The following PCDH7 variants were observed in gnomAD, a reference collection of about 807,000 sequenced individuals.
PCDH7 encodes protocadherin 7.
A neutral mutation model predicts 58.9 loss-of-function variants in PCDH7; 17 were observed. The observed-to-expected ratio is 0.29, with a 90% confidence interval of 0.20 to 0.43. PCDH7 has a LOEUF of 0.43. PCDH7 is among the 20% of genes least tolerant of loss of function. The probability of loss-of-function intolerance (pLI) is 1.00; values close to 1 mark genes in which losing one functional copy is unlikely to be tolerated. For synonymous variants in PCDH7, 664 were observed against 616.4 expected, an observed-to-expected ratio of 1.08 and a Z score of -1.14; for missense variants, 1,274 against 1,441.0, an observed-to-expected ratio of 0.88 and a Z score of 1.88.
chr4:31,076,121 T>C (rs1758970140), intron 3 of PCDH7, among the ~76,000 whole-genome samples: 2 of 152,154 alleles, frequency 1.3e-5, no homozygotes, highest in African/African-American at 4.8e-5. Flanking sequence ...AGTCTGAAGT[T>C]TGAAAGCCAG....
At chr4:30,949,153 A>G (rs1304794566) in intron 2 of PCDH7, among the ~76,000 whole-genome samples, 1 of 152,074 alleles carries the variant, frequency 6.6e-6, no homozygotes. Flanking sequence ...TCTCTCCTAT[A>G]TTTCATTTTT....
rs140534477 is a variant in PCDH7 at position 30,918,447 on chromosome 4, T to G, written c.71-1706T>G. ...ATACAGGGTATTTACATTTCTTTAT[T>G]TTTTTTAAAATACAGGGTAAAATAT... On this transcript the variant is annotated intron_variant, in intron 1 of 3. Transcript: ENST00000509759. Among the ~76,000 whole-genome samples, 465 of 152,102 alleles carry G rather than the reference T, an allele frequency of 3.1e-3. 2 individuals carry two copies. Among genetic ancestry groups the G allele is most frequent in the African/African-American group, 0.011 (439 of 41,508 alleles).
intron 1 of PCDH7, among the ~76,000 whole-genome samples, chr4:30,829,725 G>A (rs904083630): frequency 1.3e-5 from 2 of 152,078 alleles, no homozygotes; most frequent in Non-Finnish European, 2.9e-5. Context: ...GGGAGGTGGG[G>A]AAGAACCAGA....
chr4:31,048,633 C>A (rs991425895), intron 3 of PCDH7, among the ~76,000 whole-genome samples: 2 of 151,860 alleles, frequency 1.3e-5, no homozygotes, highest in African/African-American at 4.8e-5. Context: ...AAGCCTCAAG[C>A]TTTTACTACA....
At position 30,960,151 on chromosome 4, in the gene PCDH7, A is replaced by AAGGG. The variant is rs1247370466; in HGVS notation, c.*7+9956_*7+9959dup. ...GAAGGAAGGAAGGAAGGAAGGAAGGAAGGGAGGGAGGGAGGGAGGGAGGAA... is the reference window on the plus strand; with the variant it reads ...GAAGGAAGGAAGGAAGGAAGGAAGGAAGGGAGGGAGGGAGGGAGGGAGGGAGGAA... On this transcript the variant is annotated intron_variant, in intron 3 of 3. Coordinates refer to the PCDH7 transcript ENST00000509759. Among the ~76,000 whole-genome samples, 78 of 30,826 alleles carry AAGGG rather than the reference A, an allele frequency of 2.5e-3. 2 individuals are homozygous for AAGGG. Among genetic ancestry groups the AAGGG allele is most frequent in the Middle Eastern group, 0.013 (1 of 80 alleles). 20.2% of individuals were successfully genotyped at this position (30,826 alleles called of 152,430 possible).
intron 1 of PCDH7, among the ~76,000 whole-genome samples, chr4:30,745,916 TG>T (rs1717720635): frequency 6.6e-6 from 1 of 152,152 alleles, no homozygotes; most frequent in Non-Finnish European, 1.5e-5. Context: ...CTCAGCTCAC[TG>T]CAACCTCTGC....
intron 2 of PCDH7, among the ~76,000 whole-genome samples, chr4:30,940,713 C>G (rs1355012540): frequency 6.6e-6 from 1 of 151,854 alleles, no homozygotes; most frequent in African/African-American, 2.4e-5. Flanking sequence ...AGGAACAGGT[C>G]CTTTACGTAT....
chr4:30,806,899 C>T (rs1257565374), intron 1 of PCDH7, among the ~76,000 whole-genome samples: 1 of 151,922 alleles, frequency 6.6e-6, no homozygotes, highest in East Asian at 1.9e-4. Flanking sequence ...CTTGTTTTAC[C>T]TGATTATCTA....
intron 2 of PCDH7, among the ~76,000 whole-genome samples, chr4:30,947,623 G>T (rs1746865353): frequency 6.6e-6 from 1 of 152,056 alleles, no homozygotes; most frequent in Non-Finnish European, 1.5e-5. Flanking sequence ...ATGATTCAAT[G>T]CATATAGTAT....
chr4:30,997,784 G>C (rs562923628), intron 3 of PCDH7, among the ~76,000 whole-genome samples: 1 of 152,012 alleles, frequency 6.6e-6, no homozygotes, highest in Non-Finnish European at 1.5e-5. Flanking sequence ...TTAAAAGAAC[G>C]TTTAATAAAG....
At position 30,840,899 on chromosome 4, in the gene PCDH7, T is replaced by G. The variant is rs541820350; in HGVS notation, c.71-79254T>G. Among the ~76,000 whole-genome samples, 14 of 152,194 alleles carry G rather than the reference T, an allele frequency of 9.2e-5. 1 individual carries two copies. In the South Asian group the frequency reaches 2.9e-3, roughly 31 times the overall value. Reference sequence around the variant, plus strand: ...ATATAATTTCTTTGGCCCTTTTTTTTTTTCTGCAAAACCAAGAGTTTGCTT... The same window carrying G: ...ATATAATTTCTTTGGCCCTTTTTTTGTTTCTGCAAAACCAAGAGTTTGCTT... On this transcript the variant is annotated intron_variant, in intron 1 of 3. Coordinates refer to the PCDH7 transcript ENST00000509759.
chr4:30,900,185 G>C (rs1232025917), intron 1 of PCDH7, among the ~76,000 whole-genome samples: 1 of 152,132 alleles, frequency 6.6e-6, no homozygotes, highest in Non-Finnish European at 1.5e-5. Flanking sequence ...CCCCATATTA[G>C]AGATTAGGAA....
chr4:30,836,129 G>C (rs1161545368), intron 1 of PCDH7, among the ~76,000 whole-genome samples: 1 of 152,148 alleles, frequency 6.6e-6, no homozygotes, highest in Non-Finnish European at 1.5e-5. Context: ...ATAGCTAATG[G>C]AGAGGGCAAA....
intron 3 of PCDH7, among the ~76,000 whole-genome samples, chr4:31,080,396 C>G (rs908422078): frequency 6.6e-6 from 1 of 151,612 alleles, no homozygotes; most frequent in Non-Finnish European, 1.5e-5. Context: ...TTCTTGATTA[C>G]CTAAAAAATG....
At chr4:30,810,007 A>C (rs1161337123) in intron 1 of PCDH7, among the ~76,000 whole-genome samples, 2 of 152,188 alleles carry the variant, frequency 1.3e-5, no homozygotes, top group Non-Finnish European at 2.9e-5. Flanking sequence ...GCAGGATTAC[A>C]GGTAGTTTTA....
At chr4:30,883,182 G>T (rs942422768) in intron 1 of PCDH7, among the ~76,000 whole-genome samples, 1 of 152,172 alleles carries the variant, frequency 6.6e-6, no homozygotes, top group Non-Finnish European at 1.5e-5. Context: ...TCCCACGGAG[G>T]TAATTCGAGA....
At chr4:30,958,317 G>A (rs759463016) in intron 3 of PCDH7, among the ~76,000 whole-genome samples, 8 of 152,010 alleles carry the variant, frequency 5.3e-5, no homozygotes, top group East Asian at 3.9e-4. Flanking sequence ...AATATATTTC[G>A]TGGATATATG....
chr4:30,726,249 C>T (rs921813876), intron 1 of PCDH7, among the ~76,000 whole-genome samples: 1 of 151,934 alleles, frequency 6.6e-6, no homozygotes, highest in African/African-American at 2.4e-5. Flanking sequence ...AGACATTTCT[C>T]TAGAAAATAG....
intron 3 of PCDH7, among the ~76,000 whole-genome samples, chr4:30,956,893 A>T (rs1480740064): frequency 2.0e-5 from 3 of 152,194 alleles, no homozygotes; most frequent in African/African-American, 7.2e-5. Context: ...GCAAACAAAA[A>T]ATTTTGTATA....
Sources: gnomAD v4.1 joint callset for allele counts (sites outside exome capture counted in the v4.1 genomes callset) on GRCh38, gnomAD v4.1.1 for gene constraint, MANE v1.5 for transcripts, NCBI Gene and HGNC (gene_info 2026-07-23, HGNC 2026-07-21) for gene names.